DIPK1C: variants seen among roughly 807,000 people sequenced by gnomAD.
The protein encoded by DIPK1C is divergent protein kinase domain 1C.
A neutral mutation model predicts 28.0 loss-of-function variants in DIPK1C; 33 were observed. The ratio of observed to expected loss-of-function variants is 1.18; its 90% CI spans 0.89 to 1.58. The LOEUF (loss-of-function observed/expected upper bound fraction) is 1.58, where lower values mean the gene tolerates loss of function less well. Among genes scored for constraint, DIPK1C ranks in the 40% most tolerant of loss-of-function variants. The pLI is 0.00. For synonymous variants in DIPK1C, 255 were observed against 248.8 expected, an observed-to-expected ratio of 1.02 and a Z score of -0.23; for missense variants, 569 against 568.5, an observed-to-expected ratio of 1.00 and a Z score of -0.01.
intron 3 of DIPK1C, among the ~76,000 whole-genome samples, chr18:74,441,546 G>A (rs1421992138): frequency 6.6e-6 from 1 of 152,182 alleles, no homozygotes; most frequent in Non-Finnish European, 1.5e-5. Context: ...CTGGATGGTG[G>A]TTTCTGTCTA....
At chr18:74,458,108 C>T (rs1213119070), upstream of DIPK1C, among the ~76,000 whole-genome samples, 1 of 152,178 alleles carries the variant, frequency 6.6e-6, no homozygotes, top group Non-Finnish European at 1.5e-5. Flanking sequence ...AGCAGGCTGG[C>T]CCTGGGCCCA....
At chr18:74,451,903 A>C (rs1211799133) in intron 1 of DIPK1C, among the ~76,000 whole-genome samples, 1 of 152,250 alleles carries the variant, frequency 6.6e-6, no homozygotes, top group African/African-American at 2.4e-5. Context: ...CAACAACCCC[A>C]GAGTAAGTTG....
At chr18:74,461,344 T>TTCCTTCCTTCC (rs1568268256), upstream of DIPK1C, among the ~76,000 whole-genome samples, 241 of 118,476 alleles carry the variant, frequency 2.0e-3, 1 homozygote, top group Middle Eastern at 8.4e-3. Context: ...TCCTTCCTTC[T>TTCCTTCCTTCC]TTCCTTCCTT....
At chr18:74,445,786 C>T (rs1395544940) in intron 2 of DIPK1C, among the ~76,000 whole-genome samples, 4 of 152,204 alleles carry the variant, frequency 2.6e-5, no homozygotes, top group Non-Finnish European at 5.9e-5. Context: ...AAACCCATCC[C>T]GCACCCATGA....
Position 74,442,396 on chromosome 18 carries a change from T to G in DIPK1C, c.877-280A>C, listed in dbSNP as rs1986151514. 1.3e-5 allele frequency among the ~76,000 whole-genome samples: 2 copies of G among 152,198 alleles called. 1 individual carries two copies. Among genetic ancestry groups the G allele is most frequent in the South Asian group, 4.1e-4 (2 of 4,830 alleles). On this transcript the variant is annotated intron_variant, in intron 2 of 3. Coordinates refer to ENST00000343998, the MANE Select transcript of DIPK1C (RefSeq NM_001044369.3). ...CAGGCTGGAGTGCAGTGGCGCGATCTGGGCTCACTGCAAGCTCCGCCTTCC... is the reference window on the plus strand; with the variant it reads ...CAGGCTGGAGTGCAGTGGCGCGATCGGGGCTCACTGCAAGCTCCGCCTTCC...
intron 2 of DIPK1C, among the ~76,000 whole-genome samples, chr18:74,442,605 A>AG (rs1451077516): frequency 3.9e-5 from 6 of 152,202 alleles, no homozygotes; most frequent in Non-Finnish European, 8.8e-5. Context: ...CTGGGATTAT[A>AG]GGCATGAGCC....
the DIPK1C span, among the ~76,000 whole-genome samples, chr18:74,463,472 T>G: frequency 6.6e-6 from 1 of 152,154 alleles, no homozygotes; most frequent in African/African-American, 2.4e-5. Flanking sequence ...TTGGCCGCCC[T>G]TCTTGTATTT....
intron 1 of DIPK1C, among the ~76,000 whole-genome samples, chr18:74,454,962 C>A (rs952522630): frequency 6.6e-6 from 1 of 152,148 alleles, no homozygotes; most frequent in Non-Finnish European, 1.5e-5. Context: ...TCTGCTCCCC[C>A]ACAAACCAGT....
At chr18:74,450,270 C>T (rs1463500049) in intron 1 of DIPK1C, among the ~76,000 whole-genome samples, 1 of 152,090 alleles carries the variant, frequency 6.6e-6, no homozygotes, top group Non-Finnish European at 1.5e-5. Flanking sequence ...AAGCATGATA[C>T]CCAAAATAGT....
In DIPK1C at chr18:74,453,125, A is replaced by C. The variant is rs563789025; in HGVS notation, c.198+3937T>G. ...ATCAGCCCCAGCTTTGGTAAGCAGC[A>C]CTCTTTGCAATCATTGCTTAGTATG... On this transcript the variant is annotated intron_variant, in intron 1 of 3. Coordinates refer to ENST00000343998, the MANE Select transcript of DIPK1C (RefSeq NM_001044369.3). Among the ~76,000 whole-genome samples the C allele has an allele frequency of 3.2e-4, 49 of 152,096 alleles. 1 individual carries two copies. Among genetic ancestry groups the C allele is most frequent in the Admixed American group, 6.6e-4 (10 of 15,266 alleles).
upstream of DIPK1C, among the ~76,000 whole-genome samples, chr18:74,460,510 A>G (rs1986600177): frequency 6.6e-6 from 1 of 152,166 alleles, no homozygotes; most frequent in African/African-American, 2.4e-5. Context: ...GCTTACGTCA[A>G]TTTTCTAATT....
In DIPK1C at chr18:74,446,950, G is replaced by A. The variant is rs372816832; in HGVS notation, c.532C>T (p.Pro178Ser). 6.6e-7 allele frequency: 1 copy of A among 1,504,062 alleles called. No homozygotes were observed. Among genetic ancestry groups the A allele is most frequent in the African/African-American group, 1.4e-5 (1 of 71,918 alleles). The allele number at this position is 1,504,062 out of a possible 1,614,324, so 93.2% of individuals were successfully genotyped here. The change falls in exon 2 of 4, where the codon CCA (proline) becomes TCA (serine). Residue 178 changes from proline (P) to serine (S), a missense_variant. Transcript: ENST00000343998. ...LGPWWPGRRG[P>S]RWRGQLASLW... is the part of the protein sequence containing the mutation. ...CTGGCCAGCTGTCCCCGCCAGCGTG[G>A]GCCCCGCCTGCCCGGCCACCACGGC...
intron 3 of DIPK1C, among the ~76,000 whole-genome samples, chr18:74,439,037 G>A (rs933664208): frequency 2.0e-5 from 3 of 151,966 alleles, no homozygotes; most frequent in African/African-American, 7.3e-5. Context: ...CAAATGTTTT[G>A]CAAATTTTCT....
rs560951465 is a variant in DIPK1C at position 74,443,363 on chromosome 18, C to T, written c.877-1247G>A. ...GGACAGTTGATGAATTTGATGGAGT[C>T]AGTGGCATTTCACAAGCCTTCACAG... On this transcript the variant is annotated intron_variant, in intron 2 of 3. Transcript: ENST00000343998. Among the ~76,000 whole-genome samples, 10 of 152,304 alleles carry T rather than the reference C, an allele frequency of 6.6e-5. No individual in the cohort carries two copies. In the East Asian group the frequency reaches 1.9e-3, roughly 29 times the overall value.
chr18:74,451,716 G>A (rs1002850505), intron 1 of DIPK1C, among the ~76,000 whole-genome samples: 1 of 152,204 alleles, frequency 6.6e-6, no homozygotes, highest in Non-Finnish European at 1.5e-5. Flanking sequence ...GCGACACTGG[G>A]TGTCAGAAAG....
chr18:74,454,999 C>A (rs1986474737), intron 1 of DIPK1C, among the ~76,000 whole-genome samples: 1 of 152,152 alleles, frequency 6.6e-6, no homozygotes, highest in Admixed American at 6.5e-5. Context: ...ACATCGACAC[C>A]TAGGGAGATG....
At chr18:74,454,877 G>A (rs1164120510) in intron 1 of DIPK1C, among the ~76,000 whole-genome samples, 1 of 152,056 alleles carries the variant, frequency 6.6e-6, no homozygotes, top group African/African-American at 2.4e-5. Context: ...AAAAGGAAGT[G>A]GCAGGAAGAC....
At position 74,441,939 on chromosome 18, in the gene DIPK1C, C is replaced by T. The variant is rs1559805; in HGVS notation, c.1041+13G>A. ...GCACCCTCTCCTCCCCCAGCCCTGG[C>T]GGACTCTCATACCTGCAGGTTGTTG... is the stretch of plus-strand genomic sequence containing the variant. On this transcript the variant is annotated intron_variant, in intron 3 of 3. Transcript: ENST00000343998. The T allele has an allele frequency of 8.6e-5, 138 of 1,608,882 alleles. No individual in the cohort carries two copies. Among genetic ancestry groups the T allele is most frequent in the African/African-American group, 1.6e-4 (12 of 74,572 alleles).
rs970596624 is a variant in DIPK1C, at chr18:74,446,972, C to T, written c.510G>A (p.Pro170=). Residue 170 remains proline, a synonymous_variant, in exon 2 of 4, where the codon CCG becomes CCA. Transcript: ENST00000343998. The part of the protein sequence containing the change: ...GLELSNSSLG[P]WWPGRRGPRW... ...GTGGGCCCCGCCTGCCCGGCCACCA[C>T]GGCCCCAGGCTGCTGTTGGACAACT... 37 of 1,512,230 alleles carry T rather than the reference C, an allele frequency of 2.4e-5. No homozygotes were observed. In the Admixed American group the frequency reaches 2.5e-4, roughly 10 times the overall value. The allele number at this position is 1,512,230 out of a possible 1,614,324, so 93.7% of individuals were successfully genotyped here. A position where few individuals can be genotyped will look rare whatever the true frequency, so the allele number is the denominator to read the frequency against.
Sources: allele counts gnomAD v4.1 joint callset (sites outside exome capture counted in the v4.1 genomes callset), GRCh38; gene constraint gnomAD v4.1.1; transcripts MANE v1.5; gene names NCBI Gene and HGNC (gene_info 2026-07-23, HGNC 2026-07-21).